Variants in PDE4B observed in about 807,000 individuals in gnomAD.
The protein encoded by PDE4B is phosphodiesterase 4B, also known as 3',5'-cyclic-AMP phosphodiesterase 4B.
In PDE4B, 20 loss-of-function variants were observed where a neutral mutation model predicts 82.2. The observed-to-expected ratio is 0.24, with a 90% CI of 0.17 to 0.35. The LOEUF is 0.35. Ranked by LOEUF, PDE4B falls within the 10% of genes least tolerant of loss-of-function variation. PDE4B has a pLI of 1.00. For missense variants in PDE4B, 655 were observed against 907.2 expected (o/e 0.72, Z 3.57); for synonymous variants, 320 against 318.9 (o/e 1.00, Z -0.04).
At position 66,365,664 on chromosome 1, in the gene PDE4B, C is replaced by A. The variant is rs1663188385; in HGVS notation, c.1285-3C>A. ...TAGTTAAATGTGTTTATTTGCCCGA[C>A]AGGCTGTCTTCACAGATTTGGAGAT... On this transcript the variant is annotated splice_region_variant and splice_polypyrimidine_tract_variant and intron_variant, in intron 12 of 16. Transcript: ENST00000341517. 2 of 1,592,918 alleles carry A rather than the reference C, an allele frequency of 1.3e-6. No homozygotes were observed. The highest frequency in any genetic ancestry group is 1.7e-5 in the Admixed American group (1 of 59,802).
At chr1:66,281,756 A>G (rs1336273144) in intron 7 of PDE4B, among the ~76,000 whole-genome samples, 1 of 152,248 alleles carries the variant, frequency 6.6e-6, no homozygotes, top group Non-Finnish European at 1.5e-5. Flanking sequence ...CAGATTTTCT[A>G]TTAGGTACTC....
intron 7 of PDE4B, chr1:66,332,192 A>T: frequency 1.4e-6 from 2 of 1,412,536 alleles, no homozygotes; most frequent in Non-Finnish European, 9.2e-7. Context: ...TAGTTTTAGG[A>T]CACATTTATG....
chr1:65,944,740 A>T (rs183226623), intron 3 of PDE4B, among the ~76,000 whole-genome samples: 78 of 152,044 alleles, frequency 5.1e-4, no homozygotes, highest in African/African-American at 1.9e-3. Context: ...AGTCATGTAA[A>T]ATAAAGGCAG....
chr1:66,164,946 A>T (rs559864372), intron 3 of PDE4B, among the ~76,000 whole-genome samples: 2 of 151,880 alleles, frequency 1.3e-5, no homozygotes, highest in Admixed American at 6.6e-5. Context: ...TATTTTTAGT[A>T]GAGACGGGGT....
At chr1:65,879,134 G>A (rs956859757) in intron 1 of PDE4B, among the ~76,000 whole-genome samples, 10 of 151,968 alleles carry the variant, frequency 6.6e-5, no homozygotes, top group African/African-American at 2.4e-4. Flanking sequence ...TGATTTTATT[G>A]GCTGAACTCA....
chr1:66,027,696 A>G (rs996667569), intron 3 of PDE4B, among the ~76,000 whole-genome samples: 16 of 152,208 alleles, frequency 1.1e-4, no homozygotes, highest in African/African-American at 3.9e-4. Flanking sequence ...GCCATTCCAA[A>G]TGGGAGAGAT....
intron 4 of PDE4B, among the ~76,000 whole-genome samples, chr1:66,252,243 T>C (rs532589974): frequency 1.3e-5 from 2 of 152,338 alleles, no homozygotes; most frequent in East Asian, 3.9e-4. Flanking sequence ...ATGAAAGTGC[T>C]TTGTAAACTG....
At chr1:65,912,243 A>C (rs1301105549) in intron 1 of PDE4B, among the ~76,000 whole-genome samples, 2 of 152,114 alleles carry the variant, frequency 1.3e-5, no homozygotes, top group Non-Finnish European at 2.9e-5. Context: ...TATATTTTAA[A>C]AATTTTATTT....
chr1:66,249,487 A>G (rs1570554766), intron 4 of PDE4B, among the ~76,000 whole-genome samples: 6 of 152,302 alleles, frequency 3.9e-5, no homozygotes, highest in Admixed American at 3.9e-4. Context: ...CTTGTGTTTC[A>G]TTATTTGGAA....
intron 1 of PDE4B, among the ~76,000 whole-genome samples, chr1:65,884,633 G>A (rs1395233126): frequency 6.6e-6 from 1 of 152,122 alleles, no homozygotes; most frequent in Admixed American, 6.6e-5. Flanking sequence ...TTAATAAATG[G>A]TGCTGGGAAA....
At chr1:66,265,545 G>T (rs1654968579) in intron 6 of PDE4B, among the ~76,000 whole-genome samples, 1 of 152,254 alleles carries the variant, frequency 6.6e-6, no homozygotes, top group African/African-American at 2.4e-5. Flanking sequence ...TGTTCCCAGT[G>T]GTTGTGTGAC....
intron 3 of PDE4B, among the ~76,000 whole-genome samples, chr1:66,212,636 A>T (rs1440524273): frequency 6.6e-6 from 1 of 152,090 alleles, no homozygotes; most frequent in Non-Finnish European, 1.5e-5. Flanking sequence ...CAGAATGTTA[A>T]CTCCTCGATG....
intron 3 of PDE4B, among the ~76,000 whole-genome samples, chr1:66,126,347 A>C (rs898572807): frequency 6.6e-6 from 1 of 152,210 alleles, no homozygotes; most frequent in African/African-American, 2.4e-5. Flanking sequence ...GATATTACTA[A>C]TATGAAATAC....
intron 8 of PDE4B, among the ~76,000 whole-genome samples, chr1:66,348,898 G>A (rs1282995734): frequency 6.6e-6 from 1 of 152,054 alleles, no homozygotes; most frequent in Non-Finnish European, 1.5e-5. Flanking sequence ...AACTTTCAGA[G>A]TTGAGAGAAT....
intron 1 of PDE4B, among the ~76,000 whole-genome samples, chr1:65,856,940 G>A (rs1571023401): frequency 2.6e-5 from 4 of 152,146 alleles, no homozygotes; most frequent in Admixed American, 2.6e-4. Flanking sequence ...CCTTGTCAGT[G>A]GATAGTGTCA....
At chr1:66,130,267 T>C (rs1645913689) in intron 3 of PDE4B, among the ~76,000 whole-genome samples, 1 of 152,254 alleles carries the variant, frequency 6.6e-6, no homozygotes, top group South Asian at 2.1e-4. Context: ...TCATGACTCA[T>C]GACAGACAGT....
At chr1:66,196,695 A>G (rs962358802) in intron 3 of PDE4B, among the ~76,000 whole-genome samples, 5 of 151,912 alleles carry the variant, frequency 3.3e-5, no homozygotes, top group African/African-American at 1.2e-4. Flanking sequence ...CATTCTCAGT[A>G]AACTATCGCA....
intron 3 of PDE4B, among the ~76,000 whole-genome samples, chr1:66,076,787 G>A (rs187259714): frequency 6.6e-6 from 1 of 152,268 alleles, no homozygotes; most frequent in Admixed American, 6.5e-5. Flanking sequence ...TTCTTCATAT[G>A]TTTGTTGGAT....
At chr1:66,234,442 C>T (rs1041701539) in intron 3 of PDE4B, among the ~76,000 whole-genome samples, 1 of 152,120 alleles carries the variant, frequency 6.6e-6, no homozygotes, top group Non-Finnish European at 1.5e-5. Flanking sequence ...GTGCATGCCA[C>T]TATATCTAGC....
Sources: allele counts gnomAD v4.1 joint callset (sites outside exome capture counted in the v4.1 genomes callset), GRCh38; gene constraint gnomAD v4.1.1; transcripts MANE v1.5; gene names NCBI Gene and HGNC (gene_info 2026-07-23, HGNC 2026-07-21).